Variants in RHEB observed in about 807,000 individuals in gnomAD.
The protein encoded by RHEB is Ras homolog, mTORC1 binding.
Under a neutral mutation model 28.8 loss-of-function variants are expected in RHEB, and 2 were observed. The observed-to-expected ratio is 0.07, with a 90% confidence interval of 0.03 to 0.22. RHEB has a LOEUF of 0.22. RHEB is among the 10% of genes least tolerant of loss of function. The pLI is 1.00. For synonymous variants in RHEB, 69 were observed against 77.3 expected, an observed-to-expected ratio of 0.89 and a Z score of 0.56; for missense variants, 76 against 219.9, an observed-to-expected ratio of 0.35 and a Z score of 4.14.
chr7:151,513,640 T>C (rs1048243930), intron 1 of RHEB, among the ~76,000 whole-genome samples: 2 of 152,238 alleles, frequency 1.3e-5, no homozygotes, highest in Admixed American at 6.5e-5. Flanking sequence ...ACCTGCGGAG[T>C]TGGGCAAATT....
intron 1 of RHEB, among the ~76,000 whole-genome samples, chr7:151,509,693 C>T (rs894623240): frequency 6.6e-6 from 1 of 152,192 alleles, no homozygotes; most frequent in Non-Finnish European, 1.5e-5. Flanking sequence ...ATTTGGCCTA[C>T]AGCCTGTTTT....
intron 1 of RHEB, among the ~76,000 whole-genome samples, chr7:151,504,672 G>A (rs560890035): frequency 2.0e-5 from 3 of 152,190 alleles, no homozygotes; most frequent in East Asian, 1.9e-4. Context: ...GTAGCCAGAC[G>A]CAAAAAGCTG....
intron 4 of RHEB, 138 bp from the exon 5 acceptor site, chr7:151,471,743 CCT>C (rs1802165332): frequency 6.4e-6 from 4 of 626,784 alleles, no homozygotes; most frequent in Admixed American, 3.2e-5. Flanking sequence ...ACAAAGAACT[CCT>C]GTTTTTTCCT....
chr7:151,467,706 G>A (rs1255926476), intron 7 of RHEB, among the ~76,000 whole-genome samples: 1 of 152,118 alleles, frequency 6.6e-6, no homozygotes, highest in Non-Finnish European at 1.5e-5. Context: ...CACCTCTGTG[G>A]CGTAATTCTC....
At chr7:151,503,712 C>A (rs907261008) in intron 1 of RHEB, among the ~76,000 whole-genome samples, 1 of 152,034 alleles carries the variant, frequency 6.6e-6, no homozygotes, top group African/African-American at 2.4e-5. Flanking sequence ...AAACAAGAAT[C>A]CCAGTTTTTA....
At position 151,468,682 on chromosome 7, in the gene RHEB, G is replaced by T. The variant is rs1802109141; in HGVS notation, c.463-1471C>A. 6.6e-6 allele frequency among the ~76,000 whole-genome samples: 1 copy of T among 152,320 alleles called. No individual in the cohort carries two copies. The highest frequency in any genetic ancestry group is 1.9e-4 in the East Asian group (1 of 5,182). On this transcript the variant is annotated intron_variant, in intron 7 of 7. Transcript: ENST00000262187. The surrounding 1 kb of genome is among the most constrained non-coding windows in gnomAD (Gnocchi z 4.3). ...CTCCACATCCTCCATCCACCAAGCT[G>T]ACCCACCCACTTGAATGTGGGCTCC...
At chr7:151,516,891 T>C (rs1803091110) in intron 1 of RHEB, among the ~76,000 whole-genome samples, 1 of 152,154 alleles carries the variant, frequency 6.6e-6, no homozygotes, top group Non-Finnish European at 1.5e-5. Context: ...GGTACTCAAA[T>C]TTCTCTGGTA....
intron 3 of RHEB, among the ~76,000 whole-genome samples, chr7:151,479,562 A>G (rs901453095): frequency 4.6e-5 from 7 of 151,912 alleles, no homozygotes; most frequent in Non-Finnish European, 8.8e-5. Flanking sequence ...GGGCGCCTGT[A>G]GTCCCAGCTA....
chr7:151,501,690 AAACC>A (rs1216412914), intron 1 of RHEB, among the ~76,000 whole-genome samples: 1 of 152,266 alleles, frequency 6.6e-6, no homozygotes, highest in African/African-American at 2.4e-5. Context: ...AAGTGGAAAC[AAACC>A]AAATGTCCTA....
In RHEB at chr7:151,466,388, C is replaced by G. The variant is rs1411164432; in HGVS notation, c.*731G>C. The G allele has an allele frequency of 6.6e-6, 1 of 152,368 alleles. No individual in the cohort carries two copies. Among genetic ancestry groups the G allele is most frequent in the Non-Finnish European group, 1.5e-5 (1 of 68,120 alleles). The allele number at this position is 152,368 out of a possible 1,614,324, so 9.4% of individuals were successfully genotyped here. On this transcript the variant is annotated 3_prime_UTR_variant, in exon 8 of 8. Coordinates refer to ENST00000262187, the MANE Select transcript of RHEB (RefSeq NM_005614.4). ...CAATGCCTCTCAGCAGCTCCTCCTC[C>G]TTGACCAGGCTCCCGACCACGGAGC...
At chr7:151,505,511 G>A (rs1354435855) in intron 1 of RHEB, among the ~76,000 whole-genome samples, 1 of 152,206 alleles carries the variant, frequency 6.6e-6, no homozygotes, top group Non-Finnish European at 1.5e-5. Context: ...GTATCAGGGA[G>A]GATGGGCAGG....
chr7:151,511,709 G>A (rs1188039092), intron 1 of RHEB, among the ~76,000 whole-genome samples: 1 of 150,574 alleles, frequency 6.6e-6, no homozygotes, highest in African/African-American at 2.5e-5. Flanking sequence ...GCCCAGTGGC[G>A]CGATCTCGAC....
At chr7:151,474,787 G>T (rs1332220469) in intron 4 of RHEB, among the ~76,000 whole-genome samples, 1 of 152,128 alleles carries the variant, frequency 6.6e-6, no homozygotes, top group South Asian at 2.1e-4. Flanking sequence ...AATGAAAATG[G>T]TTATTATTTA....
At chr7:151,491,623 G>T (rs192568407) in intron 1 of RHEB, among the ~76,000 whole-genome samples, 22 of 152,170 alleles carry the variant, frequency 1.4e-4, no homozygotes, top group Admixed American at 1.4e-3. Context: ...TGTAATCCCA[G>T]CTACTTGGGA....
chr7:151,469,171 G>GT (rs372268396), intron 7 of RHEB, among the ~76,000 whole-genome samples: 1 of 152,150 alleles, frequency 6.6e-6, no homozygotes, highest in Non-Finnish European at 1.5e-5. Flanking sequence ...TGTTTAATCA[G>GT]TTTTTTTCAT....
chr7:151,476,646 C>T (rs987156056), intron 4 of RHEB, among the ~76,000 whole-genome samples: 3 of 152,208 alleles, frequency 2.0e-5, no homozygotes, highest in East Asian at 1.9e-4. Context: ...CCTAACATGT[C>T]GCACACACTC....
At chr7:151,502,865 A>C in intron 1 of RHEB, 1 of 892,602 alleles carries the variant, frequency 1.1e-6, no homozygotes. Context: ...CTTTGAACTA[A>C]GTCAATCTGA....
At chr7:151,490,904 A>C (rs1331353316) in intron 2 of RHEB, 39 bp downstream of exon 2, 5 of 1,434,310 alleles carry the variant, frequency 3.5e-6, no homozygotes, top group South Asian at 2.3e-5. Context: ...ACACAAAAGA[A>C]GGCTTCTCAG....
intron 3 of RHEB, among the ~76,000 whole-genome samples, chr7:151,481,905 C>T (rs1802386755): frequency 6.6e-6 from 1 of 152,180 alleles, no homozygotes; most frequent in Non-Finnish European, 1.5e-5. Context: ...TACTACATCA[C>T]TAAAATATTT....
Sources: gnomAD v4.1 joint callset for allele counts (sites outside exome capture counted in the v4.1 genomes callset) on GRCh38, gnomAD v4.1.1 for gene constraint, Gnocchi (gnomAD v3.1) non-coding constraint, MANE v1.5 for transcripts, NCBI Gene and HGNC (gene_info 2026-07-23, HGNC 2026-07-21) for gene names.